Variants in BEND7 observed in about 807,000 individuals in gnomAD.
BEND7 encodes the protein BEN domain containing 7.
BEND7 carries 28 observed loss-of-function variants against 50.9 expected under a neutral mutation model. That is an observed-to-expected ratio of 0.55 (90% confidence interval 0.41 to 0.75). The LOEUF is 0.75. BEND7 is among the 30% of genes least tolerant of loss of function. The pLI is 0.00. For missense variants in BEND7, 477 were observed against 491.3 expected, an observed-to-expected ratio of 0.97 and a Z score of 0.28; for synonymous variants, 170 against 183.9, an observed-to-expected ratio of 0.92 and a Z score of 0.61.
intron 2 of BEND7, among the ~76,000 whole-genome samples, chr10:13,519,741 C>G (rs1020432674): frequency 2.0e-5 from 3 of 152,214 alleles, no homozygotes; most frequent in Non-Finnish European, 2.9e-5. Flanking sequence ...CAACTTCTCT[C>G]TGCTACGCTA....
chr10:13,523,538 A>T (rs1208174939), intron 2 of BEND7, among the ~76,000 whole-genome samples: 1 of 152,208 alleles, frequency 6.6e-6, no homozygotes, highest in Non-Finnish European at 1.5e-5. Context: ...CCTATAGACC[A>T]TCCCTGGGAC....
chr10:13,440,642 C>T (rs551996400), downstream of BEND7, among the ~76,000 whole-genome samples: 18 of 152,216 alleles, frequency 1.2e-4, no homozygotes, highest in Admixed American at 3.9e-4. Flanking sequence ...AGGTGCCCGG[C>T]GAGGAGTGGC....
chr10:13,451,625 T>C (rs1244652816), intron 7 of BEND7, among the ~76,000 whole-genome samples: 1 of 152,124 alleles, frequency 6.6e-6, no homozygotes, highest in Non-Finnish European at 1.5e-5. Flanking sequence ...TTTTTTTAAT[T>C]GTACTTTAAG....
rs138453732 is a variant in BEND7 at position 13,513,216 on chromosome 10, G to T, written c.145+12922C>A. Among the ~76,000 whole-genome samples, 69 of 152,234 alleles carry T rather than the reference G, an allele frequency of 4.5e-4. No individual in the cohort carries two copies. The East Asian group carries it at 0.013, about 28-fold the overall frequency. On this transcript the variant is annotated intron_variant, in intron 2 of 8. Coordinates refer to ENST00000466271, the MANE Select transcript of BEND7 (RefSeq NM_001369863.1). ...GACCTACTTACAGGTCACAACCACT[G>T]GTGTGCAAAACATTGCCTTCAGTGT...
chr10:13,466,204 T>C (rs2074230879), intron 6 of BEND7, among the ~76,000 whole-genome samples: 2 of 152,012 alleles, frequency 1.3e-5, no homozygotes, highest in South Asian at 4.1e-4. Flanking sequence ...AGCTTTAGTG[T>C]AATGATGTTT....
chr10:13,460,707 A>C (rs78788797), intron 6 of BEND7, among the ~76,000 whole-genome samples: 6,725 of 152,282 alleles, frequency 0.044, 420 homozygotes, highest in African/African-American at 0.14. Context: ...GATGTGATCT[A>C]TTTCAGCATA....
chr10:13,455,686 T>C (rs1564521403), intron 6 of BEND7, among the ~76,000 whole-genome samples: 1 of 152,002 alleles, frequency 6.6e-6, no homozygotes, highest in Non-Finnish European at 1.5e-5. Context: ...GGAATAGAAA[T>C]GGAGGGGCTG....
At chr10:13,454,223 G>C (rs1037841967) in intron 6 of BEND7, among the ~76,000 whole-genome samples, 4 of 152,170 alleles carry the variant, frequency 2.6e-5, no homozygotes, top group African/African-American at 4.8e-5. Context: ...CATGCTGTTA[G>C]GGGTGTTTGT....
At chr10:13,507,271 C>A (rs1233471337) in intron 2 of BEND7, among the ~76,000 whole-genome samples, 1 of 152,168 alleles carries the variant, frequency 6.6e-6, no homozygotes, top group African/African-American at 2.4e-5. Flanking sequence ...TTCCCAACCC[C>A]TGAGGCAACT....
chr10:13,484,460 A>T (rs2076082721), intron 5 of BEND7, among the ~76,000 whole-genome samples: 1 of 152,160 alleles, frequency 6.6e-6, no homozygotes. Context: ...AACAGGATAA[A>T]GCTCTTTCTT....
At chr10:13,524,303 C>T (rs1016928665) in intron 2 of BEND7, among the ~76,000 whole-genome samples, 5 of 152,126 alleles carry the variant, frequency 3.3e-5, no homozygotes, top group Admixed American at 2.6e-4. Flanking sequence ...AGGGTAAATT[C>T]GTTATTTCGA....
In BEND7 at chr10:13,528,659, G is replaced by A. The variant is rs2079571392; in HGVS notation, c.-126C>T. The A allele has an allele frequency of 2.2e-6, 1 of 449,008 alleles. No homozygotes were observed. Among genetic ancestry groups the A allele is most frequent in the Non-Finnish European group, 2.9e-6 (1 of 341,468 alleles). The allele number at this position is 449,008 out of a possible 1,614,324, so 27.8% of individuals were successfully genotyped here. A position where few individuals can be genotyped will look rare whatever the true frequency, so the allele number is the denominator to read the frequency against. On this transcript the variant is annotated 5_prime_UTR_variant, in exon 1 of 9. Coordinates refer to ENST00000466271, the MANE Select transcript of BEND7 (RefSeq NM_001369863.1). ...CGGAGCCGCCGGGACCAAGGTCCGCGCCTGGAGTCGGCGAGGGGAGGCCGC... is the reference window on the plus strand; with the variant it reads ...CGGAGCCGCCGGGACCAAGGTCCGCACCTGGAGTCGGCGAGGGGAGGCCGC...
chr10:13,463,868 A>G (rs2073965536), intron 6 of BEND7, among the ~76,000 whole-genome samples: 1 of 152,246 alleles, frequency 6.6e-6, no homozygotes, highest in Admixed American at 6.5e-5. Context: ...AGAACCATCT[A>G]GTGGAAAAAC....
chr10:13,520,717 T>G (rs1367413783), intron 2 of BEND7, among the ~76,000 whole-genome samples: 3 of 152,140 alleles, frequency 2.0e-5, no homozygotes, highest in African/African-American at 7.2e-5. Context: ...TGAGTTGAGG[T>G]TCCCATTTGT....
At chr10:13,448,043 T>C (rs1362648119) in intron 7 of BEND7, among the ~76,000 whole-genome samples, 1 of 152,178 alleles carries the variant, frequency 6.6e-6, no homozygotes, top group Admixed American at 6.5e-5. Context: ...ATCCTAGAAC[T>C]GCCAATCTAA....
chr10:13,455,417 G>A (rs977817564), intron 6 of BEND7, among the ~76,000 whole-genome samples: 4 of 152,124 alleles, frequency 2.6e-5, no homozygotes, highest in African/African-American at 7.2e-5. Context: ...GGACCAGCAC[G>A]CTGCATTGCA....
chr10:13,457,236 C>T (rs1197492817), intron 6 of BEND7, among the ~76,000 whole-genome samples: 1 of 152,194 alleles, frequency 6.6e-6, no homozygotes, highest in Admixed American at 6.5e-5. Context: ...GAACGATTCC[C>T]ACGTGTGCGG....
chr10:13,525,466 ATG>A (rs2079393455), intron 2 of BEND7, among the ~76,000 whole-genome samples: 1 of 152,220 alleles, frequency 6.6e-6, no homozygotes, highest in African/African-American at 2.4e-5. Flanking sequence ...GGGAACAAGG[ATG>A]GTAAGAGGAA....
intron 6 of BEND7, among the ~76,000 whole-genome samples, chr10:13,469,956 G>A (rs1013487290): frequency 6.6e-6 from 1 of 152,088 alleles, no homozygotes; most frequent in African/African-American, 2.4e-5. Context: ...TACGTGTTAT[G>A]GAACTGAATT....
Sources: allele counts gnomAD v4.1 joint callset (sites outside exome capture counted in the v4.1 genomes callset), GRCh38; gene constraint gnomAD v4.1.1; transcripts MANE v1.5; gene names NCBI Gene and HGNC (gene_info 2026-07-23, HGNC 2026-07-21).